The following RBFOX3 variants were observed in gnomAD, a reference collection of about 807,000 sequenced individuals.
RBFOX3 encodes RNA binding protein fox-1 homolog 3.
In RBFOX3, 17 loss-of-function variants were observed where a neutral mutation model predicts 48.7. The ratio of observed to expected loss-of-function variants is 0.35; its 90% CI spans 0.24 to 0.52. The LOEUF (loss-of-function observed/expected upper bound fraction) is 0.52. Among genes scored for constraint, RBFOX3 ranks in the 20% least tolerant of loss-of-function variants. The probability of loss-of-function intolerance (pLI) is 0.94; values close to 1 mark genes in which losing one functional copy is unlikely to be tolerated. For synonymous variants in RBFOX3, 212 were observed against 209.5 expected (o/e 1.01, Z -0.10); for missense variants, 382 against 497.5 (o/e 0.77, Z 2.21).
chr17:79,448,515 C>G (rs7222797), intron 2 of RBFOX3, among the ~76,000 whole-genome samples: 23 of 151,994 alleles, frequency 1.5e-4, no homozygotes, highest in African/African-American at 4.8e-4. Flanking sequence ...TGCAGCAATG[C>G]CTCTCCAAGC....
At chr17:79,517,416 G>C (rs1298570315) in intron 1 of RBFOX3, among the ~76,000 whole-genome samples, 1 of 137,978 alleles carries the variant, frequency 7.2e-6, no homozygotes, top group Non-Finnish European at 1.5e-5. Context: ...CTGCACATCA[G>C]CCTGGACTAT....
intron 2 of RBFOX3, among the ~76,000 whole-genome samples, chr17:79,448,661 G>A (rs1173993970): frequency 2.6e-5 from 4 of 152,182 alleles, no homozygotes; most frequent in South Asian, 4.1e-4. Flanking sequence ...CATGTCTGCT[G>A]TTTTAGGCCC....
At chr17:79,594,050 C>A (rs1034749183) in intron 1 of RBFOX3, among the ~76,000 whole-genome samples, 5 of 152,152 alleles carry the variant, frequency 3.3e-5, no homozygotes, top group Non-Finnish European at 7.3e-5. Flanking sequence ...GGAAAATGAA[C>A]CTGCCTCTGT....
intron 2 of RBFOX3, among the ~76,000 whole-genome samples, chr17:79,345,824 TTTC>T (rs2082817919): frequency 1.3e-5 from 2 of 152,244 alleles, no homozygotes; most frequent in African/African-American, 4.8e-5. Context: ...GCACTTATTT[TTTC>T]TTAACTTTAA....
At chr17:79,156,006 C>T (rs2045707410) in intron 4 of RBFOX3, among the ~76,000 whole-genome samples, 1 of 152,240 alleles carries the variant, frequency 6.6e-6, no homozygotes. Flanking sequence ...CTCCCTGGCC[C>T]CTCCAGGTGG....
chr17:79,411,383 T>A (rs1228529562), intron 2 of RBFOX3, among the ~76,000 whole-genome samples: 2 of 152,114 alleles, frequency 1.3e-5, no homozygotes, highest in Non-Finnish European at 2.9e-5. Flanking sequence ...AGCAGCCAGG[T>A]TGTCTCGGAC....
chr17:79,489,223 T>C (rs542875664), intron 1 of RBFOX3, among the ~76,000 whole-genome samples: 1 of 139,030 alleles, frequency 7.2e-6, no homozygotes, highest in South Asian at 2.4e-4. Flanking sequence ...TTTAGCCTTC[T>C]AGTCCTGCCA....
At chr17:79,614,712 C>T (rs1159248228), upstream of RBFOX3, among the ~76,000 whole-genome samples, 1 of 151,726 alleles carries the variant, frequency 6.6e-6, no homozygotes, top group Non-Finnish European at 1.5e-5. Context: ...ATTTAGAGAA[C>T]AAAAAAGCTG....
At chr17:79,211,136 G>A (rs536672149) in intron 4 of RBFOX3, among the ~76,000 whole-genome samples, 23 of 152,338 alleles carry the variant, frequency 1.5e-4, no homozygotes, top group South Asian at 8.3e-4. Flanking sequence ...CTTCTCCAGC[G>A]TCCGGCGGTC....
the RBFOX3 span, among the ~76,000 whole-genome samples, chr17:79,644,831 CACTCAATATAGAAATTCAATGCA>C: frequency 6.6e-6 from 1 of 152,118 alleles, no homozygotes; most frequent in Non-Finnish European, 1.5e-5. Flanking sequence ...CATTTTCTTC[CACTCAATATAGAAATTCAATGCA>C]ACTGTAATCA....
At chr17:79,290,462 C>A (rs2073028367) in intron 3 of RBFOX3, among the ~76,000 whole-genome samples, 1 of 143,486 alleles carries the variant, frequency 7.0e-6, no homozygotes, top group Admixed American at 6.8e-5. Flanking sequence ...CCCATGAGGA[C>A]CCGAAAGCAC....
At chr17:79,189,022 AAG>A (rs2053966652) in intron 4 of RBFOX3, among the ~76,000 whole-genome samples, 1 of 152,262 alleles carries the variant, frequency 6.6e-6, no homozygotes, top group Non-Finnish European at 1.5e-5. Context: ...AAGCCAAAGG[AAG>A]AGGGGGGCAC....
chr17:79,596,830 T>G (rs2093582128), intron 1 of RBFOX3, among the ~76,000 whole-genome samples: 1 of 152,286 alleles, frequency 6.6e-6, no homozygotes, highest in South Asian at 2.1e-4. Context: ...GAGGGAGGCT[T>G]TGTGGATGCT....
chr17:79,294,984 A>T (rs11077421), intron 3 of RBFOX3, among the ~76,000 whole-genome samples: 83,080 of 152,022 alleles, frequency 0.55, 23,048 homozygotes, highest in Middle Eastern at 0.7. Flanking sequence ...ATGGAAGAGA[A>T]CAGCGGCCAG....
the RBFOX3 span, among the ~76,000 whole-genome samples, chr17:79,645,759 G>A: frequency 6.6e-6 from 1 of 152,240 alleles, no homozygotes; most frequent in Non-Finnish European, 1.5e-5. Context: ...GGCAGAAGGA[G>A]TGAAGCGGGG....
At chr17:79,149,191 G>T (rs2043747028) in intron 4 of RBFOX3, among the ~76,000 whole-genome samples, 1 of 152,222 alleles carries the variant, frequency 6.6e-6, no homozygotes, top group Non-Finnish European at 1.5e-5. Flanking sequence ...TATTGCCGGG[G>T]TTACACCAGG....
chr17:79,351,204 C>T lies in RBFOX3; in HGVS notation c.-174-43380G>A, dbSNP rs185301081. On this transcript the variant is annotated intron_variant, in intron 2 of 14. Coordinates refer to ENST00000693108, the MANE Select transcript of RBFOX3 (RefSeq NM_001350451.2). Reference sequence around the variant, plus strand: ...GCTTCTACGCTTTGGCTGCTGTGAACGATGCTGCTATGAACACCAGCACAA... The same window carrying T: ...GCTTCTACGCTTTGGCTGCTGTGAATGATGCTGCTATGAACACCAGCACAA... Among the ~76,000 whole-genome samples, 197 of 152,302 alleles carry T rather than the reference C, an allele frequency of 1.3e-3. 4 individuals carry two copies. The highest frequency in any genetic ancestry group is 1.2e-3 in the Non-Finnish European group (83 of 68,024).
intron 3 of RBFOX3, among the ~76,000 whole-genome samples, chr17:79,261,361 CTCTT>C (rs1471704116): frequency 6.6e-6 from 1 of 152,222 alleles, no homozygotes; most frequent in Non-Finnish European, 1.5e-5. Context: ...TGCACAGGGT[CTCTT>C]TCTTTTTCCT....
chr17:79,228,105 T>C (rs995875947), intron 4 of RBFOX3, among the ~76,000 whole-genome samples: 1 of 152,202 alleles, frequency 6.6e-6, no homozygotes, highest in African/African-American at 2.4e-5. Context: ...GAGCCTGGCC[T>C]GCTCCTCCTT....
Sources: gnomAD v4.1 joint callset for allele counts (sites outside exome capture counted in the v4.1 genomes callset) on GRCh38, gnomAD v4.1.1 for gene constraint, MANE v1.5 for transcripts, NCBI Gene and HGNC (gene_info 2026-07-23, HGNC 2026-07-21) for gene names.